CSNK1G1: variants seen among roughly 807,000 people sequenced by gnomAD.
CSNK1G1 encodes casein kinase 1 gamma 1.
A neutral mutation model predicts 59.6 loss-of-function variants in CSNK1G1; 22 were observed. That is an observed-to-expected ratio of 0.37 (90% CI 0.26 to 0.53). CSNK1G1 has a LOEUF of 0.53. CSNK1G1 is among the 20% of genes least tolerant of loss of function. CSNK1G1 has a pLI of 0.89. For missense variants in CSNK1G1, 384 were observed against 519.5 expected (o/e 0.74, Z 2.54); for synonymous variants, 179 against 177.1 (o/e 1.01, Z -0.08).
intron 1 of CSNK1G1, among the ~76,000 whole-genome samples, chr15:64,336,445 T>A (rs540607769): frequency 6.6e-6 from 1 of 152,198 alleles, no homozygotes; most frequent in African/African-American, 2.4e-5. Flanking sequence ...TCACTGAACA[T>A]GCTTAATTGA....
chr15:64,254,291 G>T (rs981566045), intron 3 of CSNK1G1, among the ~76,000 whole-genome samples: 2 of 151,802 alleles, frequency 1.3e-5, no homozygotes, highest in Non-Finnish European at 2.9e-5. Context: ...AGATGAAAAA[G>T]TTCTGGAGAT....
intron 4 of CSNK1G1, among the ~76,000 whole-genome samples, chr15:64,250,485 G>A (rs946914511): frequency 6.6e-6 from 1 of 152,188 alleles, no homozygotes; most frequent in African/African-American, 2.4e-5. Flanking sequence ...GCTCATGCCT[G>A]TAATCCCAGC....
At chr15:64,217,359 A>G (rs957796057) in intron 4 of CSNK1G1, among the ~76,000 whole-genome samples, 3 of 152,250 alleles carry the variant, frequency 2.0e-5, no homozygotes, top group Non-Finnish European at 2.9e-5. Flanking sequence ...AAAAAACACA[A>G]GGCTGGGTTT....
At chr15:64,180,547 G>T in intron 10 of CSNK1G1, 93 bp from the exon 11 acceptor site, 1 of 980,864 alleles carries the variant, frequency 1.0e-6, no homozygotes. Context: ...GCAGTGTCTG[G>T]AATGTTTGTT....
chr15:64,198,945 C>T (rs189149909), intron 10 of CSNK1G1, among the ~76,000 whole-genome samples: 3 of 151,616 alleles, frequency 2.0e-5, no homozygotes, highest in Admixed American at 1.3e-4. Flanking sequence ...CCACAGGATA[C>T]TAAAAACTCT....
At position 64,166,097 on chromosome 15, in the gene CSNK1G1, TA is replaced by T; in HGVS notation, c.*5833del. 8.3e-6 allele frequency: 5 copies of T among 603,286 alleles called. No individual in the cohort carries two copies. Among genetic ancestry groups the T allele is most frequent in the South Asian group, 3.9e-5 (2 of 51,098 alleles). The allele number at this position is 603,286 out of a possible 1,614,324, so 37.4% of individuals were successfully genotyped here. On this transcript the variant is annotated 3_prime_UTR_variant, in exon 12 of 12. Coordinates refer to ENST00000303052, the MANE Select transcript of CSNK1G1 (RefSeq NM_022048.5). The surrounding 1 kb of genome is among the most constrained non-coding windows in gnomAD (Gnocchi z 4.5). ...ATTATACATCTAAAAAAAAAAAAAG[TA>T]AAAAAAGAGGCATTTAACAATAATC...
chr15:64,353,053 C>T (rs924812924), intron 1 of CSNK1G1, among the ~76,000 whole-genome samples: 1 of 151,914 alleles, frequency 6.6e-6, no homozygotes, highest in South Asian at 2.1e-4. Flanking sequence ...TATGCTGCTG[C>T]ACTCCAGCCT....
At chr15:64,272,339 C>T (rs1333418883) in intron 2 of CSNK1G1, among the ~76,000 whole-genome samples, 3 of 152,068 alleles carry the variant, frequency 2.0e-5, no homozygotes, top group Non-Finnish European at 4.4e-5. Context: ...CCTCAGCCTC[C>T]TCAGTAGCTG....
intron 4 of CSNK1G1, among the ~76,000 whole-genome samples, chr15:64,229,188 A>G (rs1423884415): frequency 2.6e-5 from 4 of 152,108 alleles, no homozygotes; most frequent in Admixed American, 2.6e-4. Flanking sequence ...ATGGGCATTC[A>G]TGCTGTTTCC....
At chr15:64,277,794 G>A (rs1395894173) in intron 2 of CSNK1G1, among the ~76,000 whole-genome samples, 3 of 125,886 alleles carry the variant, frequency 2.4e-5, no homozygotes, top group Non-Finnish European at 3.2e-5. Context: ...TATTAATATT[G>A]ATATATTTAA....
At chr15:64,317,672 T>C (rs72756998) in intron 1 of CSNK1G1, among the ~76,000 whole-genome samples, 6,753 of 152,002 alleles carry the variant, frequency 0.044, 192 homozygotes, top group South Asian at 0.084. Context: ...AATTTTTAAA[T>C]TCTTTTGCAG....
In CSNK1G1 at chr15:64,216,488, A is replaced by G. The variant is rs532867096; in HGVS notation, c.444+74T>C. 6.9e-6 allele frequency: 10 copies of G among 1,447,560 alleles called. No homozygotes were observed. In the Middle Eastern group the frequency reaches 5.3e-4, roughly 77 times the overall value. The allele number at this position is 1,447,560 out of a possible 1,614,324, so 89.7% of individuals were successfully genotyped here. ...TCTTGATGTGTTGCTACGGCTAGTA[A>G]ATCACCAAAAGGCCCACAAGGATGT... On this transcript the variant is annotated intron_variant, in intron 5 of 11. Transcript: ENST00000303052. This position sits in a 1 kb window ranked among gnomAD's most constrained non-coding sequence, Gnocchi z 4.6.
At chr15:64,249,839 T>C (rs546732001) in intron 4 of CSNK1G1, among the ~76,000 whole-genome samples, 13 of 152,318 alleles carry the variant, frequency 8.5e-5, no homozygotes, top group African/African-American at 3.1e-4. Context: ...ACCTAACAAA[T>C]ACATTAGATT....
At chr15:64,284,220 C>A (rs1894292199) in intron 2 of CSNK1G1, among the ~76,000 whole-genome samples, 1 of 152,168 alleles carries the variant, frequency 6.6e-6, no homozygotes, top group East Asian at 1.9e-4. Context: ...ACACTGTCTG[C>A]TTTGTAGTAA....
chr15:64,300,811 C>A (rs1936493824), intron 1 of CSNK1G1, 88 bp from the exon 2 acceptor site: 1 of 760,212 alleles, frequency 1.3e-6, no homozygotes, highest in South Asian at 6.5e-5. Context: ...GAATCCTATC[C>A]AAAGGTGAGC....
Position 64,194,588 on chromosome 15 carries a change from G to C in CSNK1G1, c.1107+8494C>G, listed in dbSNP as rs1047628882. 4.0e-5 allele frequency among the ~76,000 whole-genome samples: 6 copies of C among 148,962 alleles called. No individual in the cohort carries two copies. In the Admixed American group the frequency reaches 4.0e-4, roughly 10 times the overall value. On this transcript the variant is annotated intron_variant, in intron 10 of 11. Coordinates refer to ENST00000303052, the MANE Select transcript of CSNK1G1 (RefSeq NM_022048.5). ...GCTGGAGTGCAGTGGTGCGATCTCG[G>C]CTCACTGCAAACTCTGACTCCTGGG...
chr15:64,278,368 A>C (rs941370778), intron 2 of CSNK1G1, among the ~76,000 whole-genome samples: 1 of 138,666 alleles, frequency 7.2e-6, no homozygotes, highest in African/African-American at 2.7e-5. Flanking sequence ...GTATATATGC[A>C]TGTATGTGCG....
chr15:64,187,685 A>G (rs1013175005), intron 10 of CSNK1G1, among the ~76,000 whole-genome samples: 4 of 152,248 alleles, frequency 2.6e-5, no homozygotes, highest in African/African-American at 9.6e-5. Context: ...TATGTTTGAC[A>G]GCTCTGAGTT....
chr15:64,214,267 C>A lies in CSNK1G1; in HGVS notation c.445-143G>T. The A allele has an allele frequency of 1.5e-6, 1 of 647,502 alleles. No homozygotes were observed. The highest frequency in any genetic ancestry group is 1.9e-5 in the South Asian group (1 of 52,680). The allele number at this position is 647,502 out of a possible 1,614,324, so 40.1% of individuals were successfully genotyped here. ...CCTTTCACCGCCCTGAGTCACTTCA[C>A]TGACTTGTAAACAAAAAAATATTTT... On this transcript the variant is annotated intron_variant, in intron 5 of 11. Coordinates refer to ENST00000303052, the MANE Select transcript of CSNK1G1 (RefSeq NM_022048.5). This position sits in a 1 kb window ranked among gnomAD's most constrained non-coding sequence, Gnocchi z 4.3.
Sources: allele counts gnomAD v4.1 joint callset (sites outside exome capture counted in the v4.1 genomes callset), GRCh38; gene constraint gnomAD v4.1.1; non-coding constraint Gnocchi (gnomAD v3.1); transcripts MANE v1.5; gene names NCBI Gene and HGNC (gene_info 2026-07-23, HGNC 2026-07-21).